The following DLGAP1 variants were observed in gnomAD, a reference collection of about 807,000 sequenced individuals.
DLGAP1 encodes disks large-associated protein 1.
Under a neutral mutation model 90.8 loss-of-function variants are expected in DLGAP1, and 11 were observed. That is an observed-to-expected ratio of 0.12 (90% confidence interval 0.08 to 0.20). The LOEUF is 0.20. Among genes scored for constraint, DLGAP1 ranks in the 10% least tolerant of loss-of-function variants. The pLI, the probability that DLGAP1 is intolerant of heterozygous loss-of-function variation, is 1.00. For missense variants in DLGAP1, 1,050 were observed against 1,333.8 expected (o/e 0.79, Z 3.31); for synonymous variants, 558 against 540.7 (o/e 1.03, Z -0.44).
chr18:3,932,928 C>A (rs1599178671), intron 3 of DLGAP1, among the ~76,000 whole-genome samples: 1 of 152,122 alleles, frequency 6.6e-6, no homozygotes, highest in Non-Finnish European at 1.5e-5. Context: ...TACTGAAGGA[C>A]CACCCAAAGG....
intron 1 of DLGAP1, among the ~76,000 whole-genome samples, chr18:4,209,542 C>T (rs2077796944): frequency 6.6e-6 from 1 of 152,050 alleles, no homozygotes. Context: ...ATATACTCTC[C>T]TGTTTTAATT....
intron 1 of DLGAP1, among the ~76,000 whole-genome samples, chr18:4,180,907 A>G (rs1216098566): frequency 6.6e-6 from 1 of 152,206 alleles, no homozygotes. Flanking sequence ...AGTGAAGTCT[A>G]GAAAGAAGGC....
intron 1 of DLGAP1, among the ~76,000 whole-genome samples, chr18:4,219,027 GTTT>G (rs34333673): frequency 0.41 from 37,903 of 91,400 alleles, 5,711 homozygotes; most frequent in East Asian, 0.66. Flanking sequence ...TTCTATCTTT[GTTT>G]TTTTTTTTTT....
chr18:4,044,846 G>T (rs1192613824), intron 2 of DLGAP1, among the ~76,000 whole-genome samples: 2 of 152,120 alleles, frequency 1.3e-5, no homozygotes, highest in Middle Eastern at 3.2e-3. Context: ...CATGTCAATT[G>T]TAATCCCCAG....
rs1426916694 is a variant in DLGAP1 at position 4,378,959 on chromosome 18, T to C, written c.-267+76047A>G. ...TCCAGAGAGAGTGAGTCCCTGCTTA[T>C]CCATGTTCACAGCATGTGATCTCCT... On this transcript the variant is annotated intron_variant, in intron 1 of 12. Transcript: ENST00000315677. This position sits in a 1 kb window ranked among gnomAD's most constrained non-coding sequence, Gnocchi z 4.5. 6.6e-6 allele frequency among the ~76,000 whole-genome samples: 1 copy of C among 152,138 alleles called. No homozygotes were observed. The highest frequency in any genetic ancestry group is 1.5e-5 in the Non-Finnish European group (1 of 68,018).
At chr18:4,099,720 T>TA (rs932274320) in intron 2 of DLGAP1, among the ~76,000 whole-genome samples, 5 of 150,726 alleles carry the variant, frequency 3.3e-5, no homozygotes, top group Non-Finnish European at 7.4e-5. Flanking sequence ...TTTTTTTTTT[T>TA]AGAGTTGAGG....
intron 4 of DLGAP1, among the ~76,000 whole-genome samples, chr18:3,861,904 G>A (rs964773746): frequency 1.3e-5 from 2 of 152,206 alleles, no homozygotes; most frequent in Non-Finnish European, 2.9e-5. Flanking sequence ...TCTCTTTCCA[G>A]GCCTCAAAGA....
intron 10 of DLGAP1, among the ~76,000 whole-genome samples, chr18:3,528,954 T>A (rs967845882): frequency 6.6e-6 from 1 of 152,240 alleles, no homozygotes; most frequent in Non-Finnish European, 1.5e-5. Context: ...ACTAGCCACC[T>A]GTCCCACACG....
intron 9 of DLGAP1, 107 bp from the exon 10 acceptor site, chr18:3,534,722 ACT>A: frequency 9.5e-7 from 1 of 1,053,514 alleles, no homozygotes. Flanking sequence ...ACAGAGTCTC[ACT>A]CTGTCTCCCA....
At chr18:3,852,995 CTGAAACTAG>C (rs1195125591) in intron 4 of DLGAP1, among the ~76,000 whole-genome samples, 1 of 151,722 alleles carries the variant, frequency 6.6e-6, no homozygotes, top group Non-Finnish European at 1.5e-5. Context: ...ATATTAAATC[CTGAAACTAG>C]TTGGGCATTT....
chr18:4,184,881 C>G (rs2077266188), intron 1 of DLGAP1, among the ~76,000 whole-genome samples: 1 of 152,078 alleles, frequency 6.6e-6, no homozygotes, highest in Non-Finnish European at 1.5e-5. Context: ...CTATATGCAC[C>G]TAGTGTCCTG....
At chr18:4,199,507 C>G (rs1303388720) in intron 1 of DLGAP1, among the ~76,000 whole-genome samples, 1 of 152,102 alleles carries the variant, frequency 6.6e-6, no homozygotes, top group African/African-American at 2.4e-5. Flanking sequence ...GTGAATAATC[C>G]TGGTCATGCC....
At chr18:3,548,485 C>A (rs1408698528) in intron 9 of DLGAP1, among the ~76,000 whole-genome samples, 3 of 151,230 alleles carry the variant, frequency 2.0e-5, no homozygotes, top group African/African-American at 7.3e-5. Context: ...CTAAAGCTAG[C>A]CGGGCACAGT....
At chr18:4,147,486 T>C (rs536730221) in intron 2 of DLGAP1, among the ~76,000 whole-genome samples, 28 of 152,294 alleles carry the variant, frequency 1.8e-4, no homozygotes, top group Admixed American at 1.1e-3. Flanking sequence ...CCTTTCTCTA[T>C]AGCACAAGCC....
At chr18:4,371,445 A>G (rs745591169) in intron 1 of DLGAP1, among the ~76,000 whole-genome samples, 2 of 152,240 alleles carry the variant, frequency 1.3e-5, no homozygotes, top group African/African-American at 2.4e-5. Context: ...AGCAGATAGC[A>G]TCACATGCGT....
At chr18:3,744,869 T>C (rs930847063) in intron 5 of DLGAP1, among the ~76,000 whole-genome samples, 2 of 152,176 alleles carry the variant, frequency 1.3e-5, no homozygotes, top group African/African-American at 4.8e-5. Context: ...TTTATTCAAA[T>C]GTAACAAACT....
rs386386884 is a variant in DLGAP1, at chr18:3,507,736, GTT to G, written c.2571+832_2571+833del. ...TGAGCAATAAAAGCTATTCTTGAAG[GTT>G]TTTTTTTTTTTTTTTTTTTGGAGAT... is the stretch of plus-strand genomic sequence containing the variant. On this transcript the variant is annotated intron_variant, in intron 11 of 12. Coordinates refer to ENST00000315677, the MANE Select transcript of DLGAP1 (RefSeq NM_004746.4). Among the ~76,000 whole-genome samples, 7 of 89,976 alleles carry G rather than the reference GTT, an allele frequency of 7.8e-5. No individual in the cohort carries two copies. In the East Asian group the frequency reaches 1.9e-3, roughly 25 times the overall value. The allele number at this position is 89,976 out of a possible 152,430, so 59.0% of individuals were successfully genotyped here.
intron 5 of DLGAP1, among the ~76,000 whole-genome samples, chr18:3,755,248 T>C (rs757926297): frequency 1.3e-5 from 2 of 151,682 alleles, no homozygotes; most frequent in South Asian, 2.1e-4. Flanking sequence ...CACAGACATA[T>C]AGAAAACAAA....
intron 7 of DLGAP1, among the ~76,000 whole-genome samples, chr18:3,620,939 C>T (rs1227054124): frequency 6.6e-6 from 1 of 152,166 alleles, no homozygotes; most frequent in Non-Finnish European, 1.5e-5. Flanking sequence ...AACAGTGGTT[C>T]CCAGAGGTTG....
Sources: allele counts gnomAD v4.1 joint callset (sites outside exome capture counted in the v4.1 genomes callset), GRCh38; gene constraint gnomAD v4.1.1; non-coding constraint Gnocchi (gnomAD v3.1); transcripts MANE v1.5; gene names NCBI Gene and HGNC (gene_info 2026-07-23, HGNC 2026-07-21).